Variants in FANCC observed in about 807,000 individuals in gnomAD.
FANCC encodes the protein Fanconi anemia group C protein.
A neutral mutation model predicts 71.3 loss-of-function variants in FANCC; 55 were observed. The observed-to-expected ratio is 0.77, with a 90% CI of 0.62 to 0.97. The LOEUF (loss-of-function observed/expected upper bound fraction) is 0.97. FANCC is among the 50% of genes least tolerant of loss of function. FANCC has a pLI of 0.00. For synonymous variants in FANCC, 275 were observed against 244.9 expected, an observed-to-expected ratio of 1.12 and a Z score of -1.15; for missense variants, 678 against 670.9, an observed-to-expected ratio of 1.01 and a Z score of -0.12.
At chr9:95,194,714 A>G (rs1312200505) in intron 4 of FANCC, among the ~76,000 whole-genome samples, 1 of 151,564 alleles carries the variant, frequency 6.6e-6, no homozygotes, top group South Asian at 2.1e-4. Context: ...GTTTTTTACC[A>G]TTGAGTTTTG....
chr9:95,172,334 A>C (rs897464795), intron 4 of FANCC, among the ~76,000 whole-genome samples, 187 bp from the exon 5 acceptor site: 2 of 152,250 alleles, frequency 1.3e-5, no homozygotes, highest in Non-Finnish European at 2.9e-5. Flanking sequence ...AAGTTAACAC[A>C]TTAAAAAGAA....
chr9:95,225,099 C>A (rs1829529825), intron 4 of FANCC, among the ~76,000 whole-genome samples: 1 of 152,130 alleles, frequency 6.6e-6, no homozygotes, highest in Non-Finnish European at 1.5e-5. Context: ...GTTACAGTTA[C>A]CAGCTCACAA....
chr9:95,221,872 G>A (rs1829295446), intron 4 of FANCC, among the ~76,000 whole-genome samples: 2 of 152,116 alleles, frequency 1.3e-5, no homozygotes, highest in South Asian at 2.1e-4. Context: ...AGGTGTTGGT[G>A]AACATGTACA....
intron 7 of FANCC, among the ~76,000 whole-genome samples, chr9:95,139,020 T>C (rs1828162744): frequency 6.6e-6 from 1 of 152,164 alleles, no homozygotes; most frequent in South Asian, 2.1e-4. Flanking sequence ...CTTAACTCTT[T>C]GTAATCACCC....
At chr9:95,272,590 G>A (rs1264764377) in intron 1 of FANCC, among the ~76,000 whole-genome samples, 2 of 152,048 alleles carry the variant, frequency 1.3e-5, no homozygotes, top group East Asian at 1.9e-4. Context: ...CCAGCTACTC[G>A]GGAGGCTGTG....
chr9:95,224,480 A>G (rs1173107960), intron 4 of FANCC, among the ~76,000 whole-genome samples: 1 of 152,120 alleles, frequency 6.6e-6, no homozygotes, highest in Non-Finnish European at 1.5e-5. Context: ...AGTTAACAGT[A>G]ATACCATCCT....
chr9:95,151,553 G>T (rs1441654502), intron 6 of FANCC, among the ~76,000 whole-genome samples: 1 of 152,138 alleles, frequency 6.6e-6, no homozygotes, highest in Non-Finnish European at 1.5e-5. Flanking sequence ...GCTGTTTCTG[G>T]TTTTTCACTA....
intron 4 of FANCC, among the ~76,000 whole-genome samples, chr9:95,220,726 G>C (rs993321551): frequency 2.6e-5 from 4 of 152,068 alleles, no homozygotes; most frequent in South Asian, 4.2e-4. Flanking sequence ...CATGGGGTAG[G>C]GGGAGAGGGG....
intron 1 of FANCC, chr9:95,294,559 C>T (rs1834259921): frequency 1.9e-6 from 3 of 1,539,984 alleles, no homozygotes; most frequent in East Asian, 2.2e-5. Flanking sequence ...CACAGAGACA[C>T]AAACTGAAGG....
intron 3 of FANCC, among the ~76,000 whole-genome samples, chr9:95,243,390 C>T (rs1830746223): frequency 6.6e-6 from 1 of 152,152 alleles, no homozygotes; most frequent in Non-Finnish European, 1.5e-5. Flanking sequence ...TCCAAATCAT[C>T]CCTCCTTCCT....
At chr9:95,110,236 T>C (rs2071805111) in intron 13 of FANCC, 14 of 1,002,832 alleles carry the variant, frequency 1.4e-5, no homozygotes, top group Non-Finnish European at 1.4e-5. Flanking sequence ...TTAAGTGTTA[T>C]TGAATAATTT....
chr9:95,177,289 A>G (rs866978979), intron 4 of FANCC, among the ~76,000 whole-genome samples: 23 of 152,334 alleles, frequency 1.5e-4, no homozygotes, highest in African/African-American at 5.1e-4. Context: ...AGGTACAGTA[A>G]AACTATGGTA....
chr9:95,136,015 C>T (rs990075200), intron 7 of FANCC, among the ~76,000 whole-genome samples: 27 of 152,236 alleles, frequency 1.8e-4, no homozygotes, highest in Middle Eastern at 3.4e-3. Context: ...CAACAACACA[C>T]GTACAGTGAT....
chr9:95,169,148 G>A (rs1180865698), intron 6 of FANCC, among the ~76,000 whole-genome samples: 1 of 151,960 alleles, frequency 6.6e-6, no homozygotes, highest in East Asian at 1.9e-4. Context: ...ACTTAATAAG[G>A]AAAGAAAAAA....
chr9:95,169,999 C>T (rs1303827806), intron 6 of FANCC, among the ~76,000 whole-genome samples: 1 of 152,090 alleles, frequency 6.6e-6, no homozygotes, highest in East Asian at 1.9e-4. Context: ...TATTTGTTAA[C>T]AGATTTTAAA....
chr9:95,312,443 AGC>A (rs1354770340), intron 1 of FANCC, among the ~76,000 whole-genome samples: 2 of 152,216 alleles, frequency 1.3e-5, no homozygotes, highest in African/African-American at 4.8e-5. Context: ...GGCTCCAAGC[AGC>A]CTCAACCTCC....
intron 14 of FANCC, among the ~76,000 whole-genome samples, chr9:95,104,673 T>C (rs1192400619): frequency 1.3e-5 from 2 of 152,136 alleles, no homozygotes; most frequent in South Asian, 2.1e-4. Flanking sequence ...GAGACCTGGG[T>C]GTCTCTAGGG....
At position 95,259,076 on chromosome 9, in the gene FANCC, G is replaced by A. The variant is rs149322825; in HGVS notation, c.-78-9707C>T. 1.4e-3 allele frequency among the ~76,000 whole-genome samples: 212 copies of A among 152,212 alleles called. 1 individual carries two copies. The highest frequency in any genetic ancestry group is 4.9e-3 in the African/African-American group (204 of 41,530). On this transcript the variant is annotated intron_variant, in intron 1 of 14. Coordinates refer to ENST00000289081, the MANE Select transcript of FANCC (RefSeq NM_000136.3). The stretch of plus-strand genomic sequence containing the variant: ...AAATGGAAAAACATTCCATGCTCAC[G>A]GATAGGAAGAATAGATATCATGAAA...
chr9:95,267,882 A>C (rs543772241), intron 1 of FANCC, among the ~76,000 whole-genome samples: 1 of 152,358 alleles, frequency 6.6e-6, no homozygotes, highest in African/African-American at 2.4e-5. Flanking sequence ...CTAAAAACTC[A>C]GTGCACAAGA....
Sources: allele counts gnomAD v4.1 joint callset (sites outside exome capture counted in the v4.1 genomes callset), GRCh38; gene constraint gnomAD v4.1.1; transcripts MANE v1.5; gene names NCBI Gene and HGNC (gene_info 2026-07-23, HGNC 2026-07-21).